DEPDC4: variants seen among roughly 807,000 people sequenced by gnomAD.
The protein encoded by DEPDC4 is DEP domain-containing protein 4.
In DEPDC4, 52 loss-of-function variants were observed where a neutral mutation model predicts 52.0. That is an observed-to-expected ratio of 1.00 (90% CI 0.80 to 1.26). The LOEUF (loss-of-function observed/expected upper bound fraction) is 1.26, where lower values mean the gene tolerates loss of function less well. Among genes scored for constraint, DEPDC4 ranks in the 50% most tolerant of loss-of-function variants. The pLI, the probability that DEPDC4 is intolerant of heterozygous loss-of-function variation, is 0.00. For missense variants in DEPDC4, 530 were observed against 546.9 expected, an observed-to-expected ratio of 0.97 and a Z score of 0.31; for synonymous variants, 201 against 196.8, an observed-to-expected ratio of 1.02 and a Z score of -0.18.
chr12:100,278,630 C>CTTTTTT, the DEPDC4 span, among the ~76,000 whole-genome samples: 2 of 120,526 alleles, frequency 1.7e-5, no homozygotes, highest in African/African-American at 3.2e-5. Flanking sequence ...TGGGGAAATT[C>CTTTTTT]TTTTTTTTTT....
chr12:100,265,138 C>A (rs1487100347), intron 1 of DEPDC4, among the ~76,000 whole-genome samples: 1 of 150,828 alleles, frequency 6.6e-6, no homozygotes, highest in Non-Finnish European at 1.5e-5. Flanking sequence ...ATAAAAAATA[C>A]AAAAAATTAG....
intron 9 of DEPDC4, among the ~76,000 whole-genome samples, chr12:100,232,849 A>AC (rs2096136597): frequency 6.6e-6 from 1 of 152,166 alleles, no homozygotes; most frequent in African/African-American, 2.4e-5. Flanking sequence ...GCGCCATTGC[A>AC]CTCCAGCCTG....
At chr12:100,250,098 T>C (rs955323580) in intron 7 of DEPDC4, among the ~76,000 whole-genome samples, 4 of 152,078 alleles carry the variant, frequency 2.6e-5, no homozygotes, top group African/African-American at 9.7e-5. Context: ...CAGCCTCTAA[T>C]CTCTAGAAAC....
At chr12:100,245,541 AG>A (rs1231228725) in intron 8 of DEPDC4, among the ~76,000 whole-genome samples, 8 of 152,278 alleles carry the variant, frequency 5.3e-5, no homozygotes, top group Non-Finnish European at 1.0e-4. Flanking sequence ...CTGGGATTAC[AG>A]GCATGAGCCA....
At chr12:100,276,883 T>C in the DEPDC4 span, among the ~76,000 whole-genome samples, 1 of 152,090 alleles carries the variant, frequency 6.6e-6, no homozygotes, top group Non-Finnish European at 1.5e-5. Context: ...TATAAACATT[T>C]ACAGCTATAG....
At chr12:100,271,202 A>G (rs1340342375), upstream of DEPDC4, among the ~76,000 whole-genome samples, 1 of 151,108 alleles carries the variant, frequency 6.6e-6, no homozygotes, top group African/African-American at 2.4e-5. Context: ...GTATATTTCA[A>G]GAATACATCT....
intron 8 of DEPDC4, among the ~76,000 whole-genome samples, chr12:100,244,134 T>TATATATATATATAC (rs1403751762): frequency 4.1e-5 from 5 of 121,826 alleles, no homozygotes; most frequent in African/African-American, 6.0e-5. Flanking sequence ...TATATATATA[T>TATATATATATATAC]ACACAAAATA....
chr12:100,239,667 G>GA (rs1449619693), downstream of DEPDC4, among the ~76,000 whole-genome samples: 3 of 151,984 alleles, frequency 2.0e-5, no homozygotes, highest in Non-Finnish European at 4.4e-5. Context: ...TTATAGGTGT[G>GA]AGCCACCAGG....
At chr12:100,243,230 A>AG (rs1306968639) in intron 8 of DEPDC4, among the ~76,000 whole-genome samples, 4 of 152,198 alleles carry the variant, frequency 2.6e-5, no homozygotes, top group East Asian at 3.9e-4. Flanking sequence ...CACAGATAAA[A>AG]GGGGGGGTAC....
rs1366714150 is a variant in DEPDC4 at position 100,241,779 on chromosome 12, T to C, written c.*113A>G. 2.4e-6 allele frequency: 3 copies of C among 1,273,210 alleles called. No homozygotes were observed. Among genetic ancestry groups the C allele is most frequent in the Admixed American group, 2.4e-5 (1 of 42,016 alleles). The allele number at this position is 1,273,210 out of a possible 1,614,324, so 78.9% of individuals were successfully genotyped here. A position where few individuals can be genotyped will look rare whatever the true frequency, so the allele number is the denominator to read the frequency against. On this transcript the variant is annotated 3_prime_UTR_variant, in exon 10 of 10. Coordinates refer to ENST00000550587, the MANE Select transcript of DEPDC4 (RefSeq NM_001364818.2). ...AATCTCAAGAGCCAACTGGTGTAGA[T>C]ACTGAATTGTCCTTCCCTTCTGCTT... is the stretch of plus-strand genomic sequence containing the variant.
At chr12:100,270,960 C>A (rs1046105056), upstream of DEPDC4, among the ~76,000 whole-genome samples, 1 of 151,494 alleles carries the variant, frequency 6.6e-6, no homozygotes, top group South Asian at 2.1e-4. Context: ...TTTTTATGTT[C>A]GTTTTTAAAA....
intron 1 of DEPDC4, among the ~76,000 whole-genome samples, chr12:100,266,009 C>T (rs888162657): frequency 1.2e-4 from 19 of 152,114 alleles, no homozygotes; most frequent in Non-Finnish European, 2.1e-4. Flanking sequence ...CATCATTCCA[C>T]AAAGAAACCT....
chr12:100,256,727 C>T (rs186490337), intron 3 of DEPDC4, among the ~76,000 whole-genome samples: 11 of 151,432 alleles, frequency 7.3e-5, no homozygotes, highest in Admixed American at 3.3e-4. Context: ...CTGCAAGCTC[C>T]GCCTCCCAGG....
At chr12:100,252,731 G>A (rs1194765513) in intron 5 of DEPDC4, among the ~76,000 whole-genome samples, 195 bp from the exon 6 acceptor site, 1 of 152,170 alleles carries the variant, frequency 6.6e-6, no homozygotes, top group East Asian at 1.9e-4. Context: ...AATATGCGAT[G>A]TAGCTATATC....
intron 2 of DEPDC4, 141 bp downstream of exon 2, chr12:100,263,356 A>G: frequency 1.5e-6 from 1 of 645,928 alleles, no homozygotes; most frequent in Non-Finnish European, 2.6e-6. Context: ...TTTAGAGGAA[A>G]TGCATAAGTG....
At chr12:100,270,009 C>T (rs972765427), upstream of DEPDC4, among the ~76,000 whole-genome samples, 72 of 147,856 alleles carry the variant, frequency 4.9e-4, no homozygotes, top group African/African-American at 1.5e-3. Context: ...TTTTGTGAGA[C>T]GGAGTGTCAC....
At chr12:100,242,160 T>C (rs1322113608) in intron 9 of DEPDC4, among the ~76,000 whole-genome samples, 1 of 152,152 alleles carries the variant, frequency 6.6e-6, no homozygotes, top group Non-Finnish European at 1.5e-5. Context: ...GAACAAAGAA[T>C]GTCTGAATTC....
At chr12:100,236,009 G>A (rs532080468), downstream of DEPDC4, among the ~76,000 whole-genome samples, 30 of 152,272 alleles carry the variant, frequency 2.0e-4, no homozygotes, top group South Asian at 1.5e-3. Context: ...AGGTTGCTGC[G>A]AATGCCCTTA....
chr12:100,278,710 A>G, the DEPDC4 span, among the ~76,000 whole-genome samples: 19 of 148,706 alleles, frequency 1.3e-4, no homozygotes, highest in Admixed American at 1.1e-3. Context: ...GCTTACTGCA[A>G]CCTTCACCTC....
Sources: allele counts gnomAD v4.1 joint callset (sites outside exome capture counted in the v4.1 genomes callset), GRCh38; gene constraint gnomAD v4.1.1; transcripts MANE v1.5; gene names NCBI Gene and HGNC (gene_info 2026-07-23, HGNC 2026-07-21).